P2RY14: variants seen among roughly 807,000 people sequenced by gnomAD.
The protein encoded by P2RY14 is purinergic receptor P2Y14.
Under a neutral mutation model 0.9 loss-of-function variants are expected in P2RY14, and 2 were observed. The ratio of observed to expected loss-of-function variants is 2.16; its 90% CI spans 0.88 to 6.79. The LOEUF (loss-of-function observed/expected upper bound fraction) is 6.79, where lower values mean the gene tolerates loss of function less well. Ranked by LOEUF, P2RY14 falls within the 30% of genes most tolerant of loss-of-function variation. P2RY14 has a pLI of 0.05. For synonymous variants in P2RY14, 158 were observed against 147.2 expected, an observed-to-expected ratio of 1.07 and a Z score of -0.53; for missense variants, 378 against 400.1, an observed-to-expected ratio of 0.94 and a Z score of 0.47.
intron 2 of P2RY14, among the ~76,000 whole-genome samples, chr3:151,215,616 G>A (rs939235981): frequency 6.6e-6 from 1 of 152,198 alleles, no homozygotes; most frequent in South Asian, 2.1e-4. Context: ...TGTCGGAAGT[G>A]TTGATTTAGG....
At chr3:151,246,548 TG>T (rs1404920097) in intron 1 of P2RY14, among the ~76,000 whole-genome samples, 2 of 152,122 alleles carry the variant, frequency 1.3e-5, no homozygotes, top group African/African-American at 2.4e-5. Flanking sequence ...TAAATGGTGC[TG>T]GGAAAACTGG....
At chr3:151,278,258 G>A (rs1742226377) in intron 1 of P2RY14, 29 bp downstream of exon 1, 1 of 152,152 alleles carries the variant, frequency 6.6e-6, no homozygotes, top group African/African-American at 2.4e-5. Context: ...ATACATGCAA[G>A]TCATTTCATG....
At chr3:151,221,076 A>C (rs1246909080) in intron 1 of P2RY14, among the ~76,000 whole-genome samples, 1 of 152,170 alleles carries the variant, frequency 6.6e-6, no homozygotes, top group Admixed American at 6.6e-5. Context: ...ATGGAGCAAA[A>C]GTGATTCTTG....
At chr3:151,260,238 T>C (rs1245780353) in intron 1 of P2RY14, among the ~76,000 whole-genome samples, 1 of 152,216 alleles carries the variant, frequency 6.6e-6, no homozygotes, top group East Asian at 1.9e-4. Flanking sequence ...CTAATTAAAT[T>C]GTATGGACTT....
chr3:151,276,195 A>T (rs908101358), intron 1 of P2RY14, among the ~76,000 whole-genome samples: 2 of 152,244 alleles, frequency 1.3e-5, no homozygotes, highest in Admixed American at 1.3e-4. Flanking sequence ...AGGGCTTGTT[A>T]AAAGAGATTG....
At position 151,246,463 on chromosome 3, in the gene P2RY14, G is replaced by A. The variant is rs538626511; in HGVS notation, c.-132-26821C>T. The stretch of plus-strand genomic sequence containing the variant: ...ACAGAACAGAGCCCTCAGAAATAAC[G>A]CCGCATATCTACAACTCTCTGATCT... On this transcript the variant is annotated intron_variant, in intron 1 of 2. Transcript: ENST00000309170. 1.8e-3 allele frequency among the ~76,000 whole-genome samples: 275 copies of A among 151,970 alleles called. 1 individual carries two copies. The highest frequency in any genetic ancestry group is 6.4e-3 in the African/African-American group (266 of 41,410).
intron 1 of P2RY14, among the ~76,000 whole-genome samples, chr3:151,275,328 A>G (rs937351103): frequency 6.6e-6 from 1 of 151,758 alleles, no homozygotes; most frequent in South Asian, 2.1e-4. Context: ...CAGATGTCAT[A>G]TAATTGGGTA....
At chr3:151,276,320 C>A (rs1355640572) in intron 1 of P2RY14, among the ~76,000 whole-genome samples, 1 of 152,198 alleles carries the variant, frequency 6.6e-6, no homozygotes, top group African/African-American at 2.4e-5. Flanking sequence ...ACTTTGAGAT[C>A]CACTGCTCTA....
chr3:151,251,431 C>G (rs941289337), intron 1 of P2RY14, among the ~76,000 whole-genome samples: 1 of 152,118 alleles, frequency 6.6e-6, no homozygotes, highest in East Asian at 1.9e-4. Flanking sequence ...CCCACCAAAC[C>G]TCAGGTCATT....
In P2RY14 at chr3:151,229,330, TG is replaced by T. The variant is rs59783580; in HGVS notation, c.-132-9689del. On this transcript the variant is annotated intron_variant, in intron 1 of 2. Transcript: ENST00000309170. The stretch of plus-strand genomic sequence containing the variant: ...CTTTTTTTTTTTTTTTTTTTTGAGA[TG>T]GAGTCTTGCTCTGTTGCTCAGGCTG... Among the ~76,000 whole-genome samples, 741 of 142,138 alleles carry T rather than the reference TG, an allele frequency of 5.2e-3. 4 individuals carry two copies. The highest frequency in any genetic ancestry group is 0.019 in the African/African-American group (708 of 37,632). 93.2% of individuals were successfully genotyped at this position (142,138 alleles called of 152,430 possible). A position where few individuals can be genotyped will look rare whatever the true frequency, so the allele number is the denominator to read the frequency against.
intron 2 of P2RY14, among the ~76,000 whole-genome samples, chr3:151,216,333 T>G (rs1728212424): frequency 1.3e-5 from 2 of 152,198 alleles, no homozygotes; most frequent in Admixed American, 6.5e-5. Flanking sequence ...CTTTTTCATC[T>G]GTATTTGTGG....
At chr3:151,245,748 T>C (rs1735298610) in intron 1 of P2RY14, among the ~76,000 whole-genome samples, 1 of 116,666 alleles carries the variant, frequency 8.6e-6, no homozygotes, top group Non-Finnish European at 1.8e-5. Context: ...CTATTCAACA[T>C]AGTGTTGGAA....
chr3:151,238,408 A>T (rs1733376582), intron 1 of P2RY14, among the ~76,000 whole-genome samples: 1 of 152,168 alleles, frequency 6.6e-6, no homozygotes, highest in South Asian at 2.1e-4. Flanking sequence ...CAGCCTCCCA[A>T]AGTGCTGGGA....
intron 1 of P2RY14, among the ~76,000 whole-genome samples, chr3:151,230,082 G>A (rs927126501): frequency 1.3e-5 from 2 of 151,998 alleles, no homozygotes; most frequent in Admixed American, 6.6e-5. Context: ...CCATTCTCCC[G>A]CCTCTGCCTC....
At chr3:151,218,326 G>A (rs1047084927) in intron 2 of P2RY14, among the ~76,000 whole-genome samples, 83 of 152,126 alleles carry the variant, frequency 5.5e-4, no homozygotes, top group African/African-American at 2.0e-3. Context: ...AAAATTAAAA[G>A]ATGAACAGGA....
chr3:151,229,173 G>A (rs1343885428), intron 1 of P2RY14, among the ~76,000 whole-genome samples: 1 of 152,166 alleles, frequency 6.6e-6, no homozygotes, highest in Non-Finnish European at 1.5e-5. Context: ...ATACTGTACA[G>A]AAGTGATTCC....
At chr3:151,230,823 A>T (rs1171423356) in intron 1 of P2RY14, among the ~76,000 whole-genome samples, 1 of 152,190 alleles carries the variant, frequency 6.6e-6, no homozygotes, top group Non-Finnish European at 1.5e-5. Flanking sequence ...CTGCCAATGC[A>T]GAAGTAGTGA....
At chr3:151,270,484 G>C (rs143827149) in intron 1 of P2RY14, among the ~76,000 whole-genome samples, 245 of 152,208 alleles carry the variant, frequency 1.6e-3, no homozygotes, top group African/African-American at 5.6e-3. Context: ...TTTGCATGGT[G>C]CTAAGCCCCT....
rs566585720 is a variant in P2RY14 at position 151,215,888 on chromosome 3, C to T, written c.-24-1548G>A. Among the ~76,000 whole-genome samples, 6 of 152,308 alleles carry T rather than the reference C, an allele frequency of 3.9e-5. No homozygotes were observed. The East Asian group carries it at 1.2e-3, about 29-fold the overall frequency. ...TTTAGGTTCTGTGATTTCTCTCAGCCTGGACCTTTGCACAGACTTTCATTT... is the reference window on the plus strand; with the variant it reads ...TTTAGGTTCTGTGATTTCTCTCAGCTTGGACCTTTGCACAGACTTTCATTT... On this transcript the variant is annotated intron_variant, in intron 2 of 2. Coordinates refer to ENST00000309170, the MANE Select transcript of P2RY14 (RefSeq NM_014879.4).
Sources: allele counts gnomAD v4.1 joint callset (sites outside exome capture counted in the v4.1 genomes callset), GRCh38; gene constraint gnomAD v4.1.1; transcripts MANE v1.5; gene names NCBI Gene and HGNC (gene_info 2026-07-23, HGNC 2026-07-21).